The following HTR1F variants were observed in gnomAD, a reference collection of about 807,000 sequenced individuals.
HTR1F encodes the protein 5-hydroxytryptamine receptor 1F.
HTR1F carries 17 observed loss-of-function variants against 24.0 expected under a neutral mutation model. The observed-to-expected ratio is 0.71, with a 90% CI of 0.48 to 1.06. The LOEUF is 1.06. HTR1F is among the 50% of genes least tolerant of loss of function. The probability of loss-of-function intolerance (pLI) is 0.00; values close to 1 mark genes in which losing one functional copy is unlikely to be tolerated. For synonymous variants in HTR1F, 186 were observed against 156.8 expected (o/e 1.19, Z -1.39); for missense variants, 391 against 427.8 (o/e 0.91, Z 0.76).
intron 2 of HTR1F, among the ~76,000 whole-genome samples, chr3:87,968,655 T>A (rs1386610504): frequency 3.3e-5 from 5 of 152,176 alleles, no homozygotes; most frequent in Non-Finnish European, 7.3e-5. Context: ...TTTGGAAAAT[T>A]TGCAGCCTGA....
At chr3:87,919,813 T>A (rs1163888401) in intron 2 of HTR1F, among the ~76,000 whole-genome samples, 1 of 151,890 alleles carries the variant, frequency 6.6e-6, no homozygotes. Context: ...AGTGTGGAGA[T>A]TCCTTAAAGA....
At chr3:87,854,653 G>A (rs1393918333) in intron 2 of HTR1F, among the ~76,000 whole-genome samples, 1 of 151,880 alleles carries the variant, frequency 6.6e-6, no homozygotes, top group Non-Finnish European at 1.5e-5. Flanking sequence ...GAAATATTTG[G>A]AAAAACATAT....
intron 1 of HTR1F, among the ~76,000 whole-genome samples, chr3:87,798,548 C>A (rs1448977548): frequency 6.6e-6 from 1 of 152,050 alleles, no homozygotes; most frequent in Non-Finnish European, 1.5e-5. Context: ...CCTCCACCCG[C>A]CGTAGCTAGA....
chr3:87,877,123 C>A (rs1337557317), intron 2 of HTR1F, among the ~76,000 whole-genome samples: 1 of 151,972 alleles, frequency 6.6e-6, no homozygotes, highest in Non-Finnish European at 1.5e-5. Context: ...GATATAGAAG[C>A]ATACAAGATT....
chr3:87,945,662 G>A (rs1278682691), intron 2 of HTR1F, among the ~76,000 whole-genome samples: 4 of 152,148 alleles, frequency 2.6e-5, no homozygotes, highest in Admixed American at 2.0e-4. Context: ...ACCCAGAAGG[G>A]CTGGGGGTTG....
Position 87,991,377 on chromosome 3 carries a change from A to T in HTR1F, c.628A>T (p.Thr210Ser). The part of the protein sequence containing the change: ...LYYKIYRAAK[T>S]LYHKRQASRI... ...CTACAAAATATATAGAGCAGCAAAG[A>T]CATTATACCACAAGAGACAAGCAAG... The change falls in exon 3 of 3, where the codon ACA becomes TCA. Residue 210 changes from threonine (T) to serine (S), a missense_variant. Physicochemically the swap from Thr to Ser is moderately conservative, Grantham distance 58. Coordinates refer to ENST00000319595, the MANE Select transcript of HTR1F (RefSeq NM_001322209.2). 1 of 1,613,990 alleles carries T rather than the reference A, an allele frequency of 6.2e-7. No homozygotes were observed. Among genetic ancestry groups the T allele is most frequent in the Non-Finnish European group, 8.5e-7 (1 of 1,179,990 alleles).
At chr3:87,849,263 T>C (rs1705022752) in intron 2 of HTR1F, among the ~76,000 whole-genome samples, 1 of 151,698 alleles carries the variant, frequency 6.6e-6, no homozygotes, top group South Asian at 2.1e-4. Context: ...AACAGAGATA[T>C]AGATCAATGC....
intron 2 of HTR1F, among the ~76,000 whole-genome samples, chr3:87,830,621 A>C (rs1201333304): frequency 6.6e-6 from 1 of 152,236 alleles, no homozygotes; most frequent in African/African-American, 2.4e-5. Context: ...AATTAGTGGC[A>C]GCAAAATGGA....
At chr3:87,874,186 A>G (rs1444010744) in intron 2 of HTR1F, among the ~76,000 whole-genome samples, 2 of 152,044 alleles carry the variant, frequency 1.3e-5, no homozygotes, top group Middle Eastern at 3.2e-3. Flanking sequence ...AAATAAATGT[A>G]TCTCTGTTCA....
In HTR1F at chr3:87,807,868, T is replaced by C. The variant is rs372395516; in HGVS notation, c.-159-14140T>C. On this transcript the variant is annotated intron_variant, in intron 1 of 2. Transcript: ENST00000319595. ...TTATTAAATGCTTCTTCCATGTCAA[T>C]TGAGATCATCATATGGTTTTTGTAC... Among the ~76,000 whole-genome samples the C allele has an allele frequency of 1.5e-4, 23 of 152,178 alleles. No individual in the cohort carries two copies. The East Asian group carries it at 3.5e-3, about 23-fold the overall frequency.
At chr3:87,844,725 C>G (rs868691003) in intron 2 of HTR1F, among the ~76,000 whole-genome samples, 1 of 142,718 alleles carries the variant, frequency 7.0e-6, no homozygotes, top group African/African-American at 2.8e-5. Context: ...AGGAAGGGAT[C>G]CAGTTTCAGC....
intron 2 of HTR1F, among the ~76,000 whole-genome samples, chr3:87,903,791 A>C (rs1473356291): frequency 6.6e-6 from 1 of 152,186 alleles, no homozygotes; most frequent in Non-Finnish European, 1.5e-5. Context: ...ACCCAAAGGA[A>C]TATAAATCAT....
intron 2 of HTR1F, among the ~76,000 whole-genome samples, chr3:87,887,228 G>T (rs1705970036): frequency 6.6e-6 from 1 of 152,142 alleles, no homozygotes; most frequent in Non-Finnish European, 1.5e-5. Context: ...ATGGGGAAAG[G>T]ATTCCCTATT....
chr3:87,844,077 G>C (rs1188077562), intron 2 of HTR1F, among the ~76,000 whole-genome samples: 1 of 149,140 alleles, frequency 6.7e-6, no homozygotes. Flanking sequence ...GGTATTTCTA[G>C]TTCTAGATCC....
At chr3:87,909,855 C>T (rs369353566) in intron 2 of HTR1F, among the ~76,000 whole-genome samples, 4 of 151,964 alleles carry the variant, frequency 2.6e-5, no homozygotes, top group African/African-American at 7.2e-5. Flanking sequence ...AGGTCTTTAG[C>T]GGGAGAAAGA....
intron 1 of HTR1F, among the ~76,000 whole-genome samples, chr3:87,794,341 C>G (rs921509874): frequency 6.6e-6 from 1 of 152,152 alleles, no homozygotes; most frequent in Non-Finnish European, 1.5e-5. Context: ...ATGCTTCCCC[C>G]CACCCCATTC....
At chr3:87,812,889 G>A (rs1394567988) in intron 1 of HTR1F, among the ~76,000 whole-genome samples, 2 of 152,244 alleles carry the variant, frequency 1.3e-5, no homozygotes, top group East Asian at 3.8e-4. Flanking sequence ...ACATGGTGCT[G>A]GGTCTGCATG....
chr3:87,931,722 T>A (rs1704277564), intron 2 of HTR1F, among the ~76,000 whole-genome samples: 1 of 151,872 alleles, frequency 6.6e-6, no homozygotes, highest in Non-Finnish European at 1.5e-5. Flanking sequence ...TGTTTCCTGA[T>A]TTTTAATGAT....
chr3:87,894,259 C>T (rs2099228), intron 2 of HTR1F, among the ~76,000 whole-genome samples: 27,443 of 151,944 alleles, frequency 0.18, 4,328 homozygotes, highest in African/African-American at 0.43. Flanking sequence ...CTCCCACTTA[C>T]GAGTAAGAAC....
Sources: gnomAD v4.1 joint callset for allele counts (sites outside exome capture counted in the v4.1 genomes callset) on GRCh38, gnomAD v4.1.1 for gene constraint, MANE v1.5 for transcripts, NCBI Gene and HGNC (gene_info 2026-07-23, HGNC 2026-07-21) for gene names.